The following DCC variants were observed in gnomAD, a reference collection of about 807,000 sequenced individuals.
DCC encodes the protein DCC netrin 1 receptor.
In DCC, 58 loss-of-function variants were observed where a neutral mutation model predicts 172.5. That is an observed-to-expected ratio of 0.34 (90% CI 0.27 to 0.42). The LOEUF (loss-of-function observed/expected upper bound fraction) is 0.42. Ranked by LOEUF, DCC falls within the 10% of genes least tolerant of loss-of-function variation. The pLI is 1.00. For synonymous variants in DCC, 709 were observed against 644.5 expected (o/e 1.10, Z -1.52); for missense variants, 1,740 against 1,791.0 (o/e 0.97, Z 0.51).
At chr18:52,732,775 A>G (rs1185508023) in intron 1 of DCC, among the ~76,000 whole-genome samples, 1 of 152,210 alleles carries the variant, frequency 6.6e-6, no homozygotes, top group Non-Finnish European at 1.5e-5. Context: ...CTAAAAATCA[A>G]CATAACAATA....
Position 52,380,032 on chromosome 18 carries a change from A to G in DCC, c.91+39154A>G, listed in dbSNP as rs1031338809. Among the ~76,000 whole-genome samples, 21 of 152,180 alleles carry G rather than the reference A, an allele frequency of 1.4e-4. No individual in the cohort carries two copies. In the South Asian group the frequency reaches 3.3e-3, roughly 24 times the overall value. ...CTATTCTCTTTGATTCCAAGAGGGT[A>G]CCTTTTGCCACATCCTCTGGAGGGG... On this transcript the variant is annotated intron_variant, in intron 1 of 28. Coordinates refer to ENST00000442544, the MANE Select transcript of DCC (RefSeq NM_005215.4).
In DCC at chr18:52,893,092, G is replaced by A. The variant is rs147450461; in HGVS notation, c.413-12952G>A. Among the ~76,000 whole-genome samples, 11 of 152,058 alleles carry A rather than the reference G, an allele frequency of 7.2e-5. No individual in the cohort carries two copies. The East Asian group carries it at 1.7e-3, about 24-fold the overall frequency. ...TTAACTTTAATGAATTATATAATACGGAATAAAGGCTTTGGGCAGACTACT... is the reference window on the plus strand; with the variant it reads ...TTAACTTTAATGAATTATATAATACAGAATAAAGGCTTTGGGCAGACTACT... On this transcript the variant is annotated intron_variant, in intron 2 of 28. Transcript: ENST00000442544.
rs1025098273 is a variant in DCC, at chr18:53,423,820, T to C, written c.3163+7664T>C. ...CCCTACCTCCCTAATTTAGAATTTA[T>C]CCTATTTTAGTTGTCTGATAAGTGT... is the stretch of plus-strand genomic sequence containing the variant. On this transcript the variant is annotated intron_variant, in intron 21 of 28. Coordinates refer to ENST00000442544, the MANE Select transcript of DCC (RefSeq NM_005215.4). 3.3e-5 allele frequency among the ~76,000 whole-genome samples: 5 copies of C among 152,310 alleles called. No homozygotes were observed. The East Asian group carries it at 5.8e-4, about 18-fold the overall frequency.
chr18:52,369,368 G>A (rs1822450), intron 1 of DCC, among the ~76,000 whole-genome samples: 13,581 of 151,928 alleles, frequency 0.089, 994 homozygotes, highest in East Asian at 0.37. Flanking sequence ...TCAATAGTGG[G>A]AATAATTTTT....
At chr18:53,459,826 C>T (rs1432738203) in intron 24 of DCC, among the ~76,000 whole-genome samples, 1 of 151,994 alleles carries the variant, frequency 6.6e-6, no homozygotes, top group Non-Finnish European at 1.5e-5. Context: ...GTACATTTTC[C>T]AGTTCCTTAT....
At chr18:53,371,179 G>A (rs960431035) in intron 15 of DCC, among the ~76,000 whole-genome samples, 4 of 151,676 alleles carry the variant, frequency 2.6e-5, no homozygotes, top group Non-Finnish European at 4.4e-5. Context: ...ACATTTCAGG[G>A]TATCTTTTAA....
chr18:52,361,270 T>A (rs1984606380), intron 1 of DCC, among the ~76,000 whole-genome samples: 2 of 152,180 alleles, frequency 1.3e-5, no homozygotes, highest in Admixed American at 6.5e-5. Flanking sequence ...TAAACCACAA[T>A]TTATTTGTTT....
intron 1 of DCC, among the ~76,000 whole-genome samples, chr18:52,362,779 A>AGC (rs971636919): frequency 3.3e-5 from 5 of 149,342 alleles, no homozygotes; most frequent in African/African-American, 1.3e-4. Flanking sequence ...TTGTTCTTTT[A>AGC]GCCCCCCCCA....
At chr18:52,983,154 G>T (rs2041237375) in intron 5 of DCC, among the ~76,000 whole-genome samples, 1 of 152,298 alleles carries the variant, frequency 6.6e-6, no homozygotes, top group Non-Finnish European at 1.5e-5. Flanking sequence ...AGGAAAGTAA[G>T]AGGTGAAGGG....
At chr18:53,436,142 G>T (rs895101308) in intron 22 of DCC, among the ~76,000 whole-genome samples, 1 of 152,088 alleles carries the variant, frequency 6.6e-6, no homozygotes, top group African/African-American at 2.4e-5. Context: ...GCTCTAATTT[G>T]ATGTTTACTA....
chr18:52,849,086 A>G (rs902926779), intron 2 of DCC, among the ~76,000 whole-genome samples: 12 of 151,108 alleles, frequency 7.9e-5, no homozygotes. Flanking sequence ...ATCAGTTTCA[A>G]CCTACTCTGT....
chr18:52,986,813 T>TATACACACACACACATATAC (rs2041301917), intron 5 of DCC, among the ~76,000 whole-genome samples: 1 of 145,710 alleles, frequency 6.9e-6, no homozygotes, highest in Admixed American at 6.8e-5. Flanking sequence ...GTAGTATATA[T>TATACACACACACACATATAC]ATACACACAC....
At chr18:52,487,784 C>A (rs918999799) in intron 1 of DCC, among the ~76,000 whole-genome samples, 2 of 117,042 alleles carry the variant, frequency 1.7e-5, no homozygotes, top group Non-Finnish European at 3.2e-5. Flanking sequence ...GCACTCCAGT[C>A]TGGGTGACAG....
At chr18:52,390,936 T>A (rs1986006746) in intron 1 of DCC, among the ~76,000 whole-genome samples, 1 of 152,122 alleles carries the variant, frequency 6.6e-6, no homozygotes, top group African/African-American at 2.4e-5. Context: ...TGCAGAAGTT[T>A]GTCCCCTCCA....
At chr18:52,739,694 G>T (rs2036787035) in intron 1 of DCC, among the ~76,000 whole-genome samples, 1 of 152,114 alleles carries the variant, frequency 6.6e-6, no homozygotes, top group Non-Finnish European at 1.5e-5. Flanking sequence ...TAGCTCTAAG[G>T]TACTACCGGA....
chr18:52,551,054 A>C (rs1037105356), intron 1 of DCC, among the ~76,000 whole-genome samples: 1 of 152,046 alleles, frequency 6.6e-6, no homozygotes, highest in African/African-American at 2.4e-5. Context: ...TCTACTTTTC[A>C]AATTCAGAAA....
chr18:53,017,064 TTTTTCTTTTTC>T (rs1447136159), intron 5 of DCC, among the ~76,000 whole-genome samples: 3 of 151,254 alleles, frequency 2.0e-5, no homozygotes, highest in African/African-American at 7.3e-5. Flanking sequence ...GTATGTTTTT[TTTTTCTTTTTC>T]TTTTCTTTTT....
chr18:53,332,332 A>T (rs1218276051), intron 14 of DCC, among the ~76,000 whole-genome samples: 1 of 152,210 alleles, frequency 6.6e-6, no homozygotes, highest in Non-Finnish European at 1.5e-5. Flanking sequence ...CTATTAAGAT[A>T]AATAGAAAAC....
At chr18:53,408,595 C>T (rs771028766) in intron 19 of DCC, among the ~76,000 whole-genome samples, 2 of 152,078 alleles carry the variant, frequency 1.3e-5, no homozygotes, top group African/African-American at 2.4e-5. Context: ...AGACTTAGGG[C>T]CCATCTACAT....
Sources: allele counts gnomAD v4.1 joint callset (sites outside exome capture counted in the v4.1 genomes callset), GRCh38; gene constraint gnomAD v4.1.1; transcripts MANE v1.5; gene names NCBI Gene and HGNC (gene_info 2026-07-23, HGNC 2026-07-21).